Variants in SLC33A1 observed in about 807,000 individuals in gnomAD.
SLC33A1 encodes solute carrier family 33 member 1, also known as acetyl-coenzyme A transporter 1.
SLC33A1 carries 20 observed loss-of-function variants against 50.0 expected under a neutral mutation model. The observed-to-expected ratio is 0.40, with a 90% CI of 0.28 to 0.58. SLC33A1 has a LOEUF of 0.58. Ranked by LOEUF, SLC33A1 falls within the 20% of genes least tolerant of loss-of-function variation. SLC33A1 has a pLI of 0.44. For missense variants in SLC33A1, 476 were observed against 657.0 expected (o/e 0.72, Z 3.01); for synonymous variants, 265 against 251.8 (o/e 1.05, Z -0.50).
chr3:155,838,855 A>G (rs1752810280), intron 2 of SLC33A1, among the ~76,000 whole-genome samples: 1 of 151,906 alleles, frequency 6.6e-6, no homozygotes, highest in Admixed American at 6.6e-5. Flanking sequence ...ATCTTAAAAA[A>G]AATAAAAAAT....
chr3:155,850,938 ATTTTT>A (rs1753373443), intron 1 of SLC33A1, among the ~76,000 whole-genome samples: 1 of 150,216 alleles, frequency 6.7e-6, no homozygotes, highest in Non-Finnish European at 1.5e-5. Context: ...TTTTAATTTT[ATTTTT>A]AATTAATTAA....
chr3:155,844,446 TATATATATATA>T (rs1194630765), intron 1 of SLC33A1, among the ~76,000 whole-genome samples: 6 of 11,424 alleles, frequency 5.3e-4, no homozygotes, highest in South Asian at 2.2e-3. Flanking sequence ...TATATATATA[TATATATATATA>T]TTTTTTTTTT....
At chr3:155,846,168 C>A (rs746422585) in intron 1 of SLC33A1, among the ~76,000 whole-genome samples, 1 of 152,204 alleles carries the variant, frequency 6.6e-6, no homozygotes, top group African/African-American at 2.4e-5. Context: ...TGGGAAAAAA[C>A]AGAGGACATC....
intron 1 of SLC33A1, 53 bp from the exon 2 acceptor site, chr3:155,842,672 A>T: frequency 2.1e-6 from 2 of 939,262 alleles, no homozygotes; most frequent in South Asian, 1.7e-5. Flanking sequence ...AATTTCATTG[A>T]TACTAAATAA....
At chr3:155,830,269 A>T (rs1577456441) in intron 4 of SLC33A1, among the ~76,000 whole-genome samples, 1 of 151,590 alleles carries the variant, frequency 6.6e-6, no homozygotes, top group East Asian at 1.9e-4. Flanking sequence ...GCTACTTGGG[A>T]GGCTGAGGCA....
At chr3:155,842,363 G>T (rs1752966901) in intron 2 of SLC33A1, 69 bp downstream of exon 2, 8 of 912,246 alleles carry the variant, frequency 8.8e-6, no homozygotes, top group Non-Finnish European at 1.4e-5. Context: ...ATATGAAAAA[G>T]GCATTGTAAG....
Position 155,824,419 on chromosome 3 carries a change from A to G in SLC33A1, c.*3791T>C, listed in dbSNP as rs1025190181. 2.0e-5 allele frequency: 3 copies of G among 152,222 alleles called. No homozygotes were observed. Among genetic ancestry groups the G allele is most frequent in the African/African-American group, 4.8e-5 (2 of 41,464 alleles). 9.4% of individuals were successfully genotyped at this position (152,222 alleles called of 1,614,324 possible). ...AACATACTTTCTCAGGTTTCTGTTA[A>G]TAAGGCAAAATAAAAGTCACTCAGA... On this transcript the variant is annotated 3_prime_UTR_variant, in exon 6 of 6. Transcript: ENST00000643144.
rs1360467677 is a variant in SLC33A1, at chr3:155,822,721, T to C, written c.*5489A>G. The C allele has an allele frequency of 6.6e-6, 1 of 152,162 alleles. No individual in the cohort carries two copies. The highest frequency in any genetic ancestry group is 2.4e-5 in the African/African-American group (1 of 41,450). The allele number at this position is 152,162 out of a possible 1,614,324, so 9.4% of individuals were successfully genotyped here. On this transcript the variant is annotated 3_prime_UTR_variant, in exon 6 of 6. Coordinates refer to ENST00000643144, the MANE Select transcript of SLC33A1 (RefSeq NM_004733.4). ...TGTCTATATTGACAATAAAAAACTATTAAACTGTAGCAACCTTTTTCTAAA... is the reference window on the plus strand; with the variant it reads ...TGTCTATATTGACAATAAAAAACTACTAAACTGTAGCAACCTTTTTCTAAA...
intron 1 of SLC33A1, among the ~76,000 whole-genome samples, chr3:155,844,447 A>ATTT (rs1753062149): frequency 1.0e-4 from 3 of 29,172 alleles, no homozygotes; most frequent in East Asian, 1.2e-3. Flanking sequence ...ATATATATAT[A>ATTT]TATATATATA....
At position 155,824,200 on chromosome 3, in the gene SLC33A1, CTAA is replaced by C. The variant is rs2109297670; in HGVS notation, c.*4007_*4009del. The C allele has an allele frequency of 1.3e-5, 2 of 152,274 alleles. No homozygotes were observed. Among genetic ancestry groups the C allele is most frequent in the South Asian group, 4.1e-4 (2 of 4,828 alleles). 9.4% of individuals were successfully genotyped at this position (152,274 alleles called of 1,614,324 possible). ...TATTTTAAAAGTTTATTTTCTTTCT[CTAA>C]TAATAAGGTAAAATACATTTTGGAA... is the stretch of plus-strand genomic sequence containing the variant. On this transcript the variant is annotated 3_prime_UTR_variant, in exon 6 of 6. Transcript: ENST00000643144.
chr3:155,850,465 T>C (rs1013142274), intron 1 of SLC33A1, among the ~76,000 whole-genome samples: 8 of 146,250 alleles, frequency 5.5e-5, no homozygotes, highest in South Asian at 2.1e-4. Context: ...TTAGCTAAAT[T>C]GGAACTTTCT....
At chr3:155,839,104 C>G (rs965441602) in intron 2 of SLC33A1, among the ~76,000 whole-genome samples, 1 of 151,790 alleles carries the variant, frequency 6.6e-6, no homozygotes, top group Non-Finnish European at 1.5e-5. Flanking sequence ...GCCTGATCAA[C>G]ATGGAGAAAC....
Position 155,822,146 on chromosome 3 carries a change from T to G in SLC33A1, c.*6064A>C, listed in dbSNP as rs1752102840. 1 of 152,164 alleles carries G rather than the reference T, an allele frequency of 6.6e-6. No homozygotes were observed. The highest frequency in any genetic ancestry group is 6.5e-5 in the Admixed American group (1 of 15,280). 9.4% of individuals were successfully genotyped at this position (152,164 alleles called of 1,614,324 possible). ...TCTCTAATTTTATAGGGGCAGGTGA[T>G]AAAAAAATTTCAATTTCACTAACTC... On this transcript the variant is annotated 3_prime_UTR_variant, in exon 6 of 6. Coordinates refer to ENST00000643144, the MANE Select transcript of SLC33A1 (RefSeq NM_004733.4).
Position 155,826,834 on chromosome 3 carries a change from T to G in SLC33A1, c.*1376A>C, listed in dbSNP as rs1273672680. 1 of 152,164 alleles carries G rather than the reference T, an allele frequency of 6.6e-6. No individual in the cohort carries two copies. The highest frequency in any genetic ancestry group is 1.5e-5 in the Non-Finnish European group (1 of 68,008). The allele number at this position is 152,164 out of a possible 1,614,324, so 9.4% of individuals were successfully genotyped here. On this transcript the variant is annotated 3_prime_UTR_variant, in exon 6 of 6. Coordinates refer to ENST00000643144, the MANE Select transcript of SLC33A1 (RefSeq NM_004733.4). ...TAAAATTCAACCTATGTTATAAAAT[T>G]AACAAAATCAGGAGTTAGTACACAT...
At chr3:155,840,111 T>C (rs1195346264) in intron 2 of SLC33A1, among the ~76,000 whole-genome samples, 1 of 151,756 alleles carries the variant, frequency 6.6e-6, no homozygotes, top group Non-Finnish European at 1.5e-5. Flanking sequence ...ATTTTGGGGA[T>C]GGAGTCTCAC....
Position 155,842,446 on chromosome 3 carries a change from T to C in SLC33A1, c.949A>G (p.Ile317Val). 2 of 1,608,952 alleles carry C rather than the reference T, an allele frequency of 1.2e-6. No homozygotes were observed. Among genetic ancestry groups the C allele is most frequent in the Non-Finnish European group, 8.5e-7 (1 of 1,176,068 alleles). ...AAATCTCTTACCTTTGCAGTTAGAA[T>C]CAGAAGGCAAAATGTCAGAACTGCT... ...MPAVLTFCLL[I>V]LTAKIGFSAA... Residue 317 changes from isoleucine (I) to valine (V), a missense_variant, in exon 2 of 6, where the codon ATT becomes GTT. Physicochemically the swap from Ile to Val is conservative, Grantham distance 29 (BLOSUM62 3). Transcript: ENST00000643144.
intron 1 of SLC33A1, among the ~76,000 whole-genome samples, chr3:155,846,549 G>A (rs1381353276): frequency 6.6e-6 from 1 of 151,646 alleles, no homozygotes; most frequent in Non-Finnish European, 1.5e-5. Flanking sequence ...CACCTCCCAG[G>A]TTCAAGTGAT....
chr3:155,851,989 G>C (rs1753418147), intron 1 of SLC33A1, among the ~76,000 whole-genome samples: 2 of 152,158 alleles, frequency 1.3e-5, no homozygotes, highest in South Asian at 4.1e-4. Flanking sequence ...GAATTTCCAA[G>C]GTAGCACAGA....
chr3:155,839,122 C>T (rs1752822468), intron 2 of SLC33A1, among the ~76,000 whole-genome samples: 1 of 151,522 alleles, frequency 6.6e-6, no homozygotes, highest in Non-Finnish European at 1.5e-5. Context: ...AACCCCATCT[C>T]TACTAAAAAT....
Sources: gnomAD v4.1 joint callset for allele counts (sites outside exome capture counted in the v4.1 genomes callset) on GRCh38, gnomAD v4.1.1 for gene constraint, MANE v1.5 for transcripts, NCBI Gene and HGNC (gene_info 2026-07-23, HGNC 2026-07-21) for gene names.